WSCD2: variants seen among roughly 807,000 people sequenced by gnomAD.
The protein encoded by WSCD2 is sialate:O-sulfotransferase 2.
WSCD2 carries 28 observed loss-of-function variants against 55.7 expected under a neutral mutation model. The observed-to-expected ratio is 0.50, with a 90% CI of 0.37 to 0.69. The LOEUF is 0.69. Ranked by LOEUF, WSCD2 falls within the 30% of genes least tolerant of loss-of-function variation. The pLI is 0.00. For missense variants in WSCD2, 616 were observed against 762.1 expected (o/e 0.81, Z 2.26); for synonymous variants, 301 against 301.9 (o/e 1.00, Z 0.03).
intron 4 of WSCD2, among the ~76,000 whole-genome samples, chr12:108,214,296 G>A (rs1046322151): frequency 5.3e-5 from 8 of 152,316 alleles, no homozygotes; most frequent in East Asian, 3.9e-4. Context: ...CATCTGCCTC[G>A]CACAGGATGC....
chr12:108,196,040 A>G lies in WSCD2; in HGVS notation c.208A>G (p.Met70Val), dbSNP rs1281894570. ...TGCTGAGCTGTCCTTCTTGGGTGAC[A>G]TGCATCTGGGCAGAGGTTTCCGGGA... ...EGAELSFLGD[M>V]HLGRGFRDTG... The change falls in exon 2 of 9, where the codon ATG becomes GTG. Residue 70 changes from methionine (M) to valine (V), a missense_variant. By Grantham distance (21) the Met-to-Val change is conservative. Around this residue, in one of 3 missense-constraint regions of WSCD2, gnomAD observed 374 missense variants for 467.4 expected, o/e 0.80. Transcript: ENST00000547525. 6.2e-7 allele frequency: 1 copy of G among 1,614,172 alleles called. No individual in the cohort carries two copies.
intron 8 of WSCD2, among the ~76,000 whole-genome samples, chr12:108,245,300 C>G (rs774672412): frequency 2.6e-5 from 4 of 152,174 alleles, no homozygotes; most frequent in Non-Finnish European, 4.4e-5. Flanking sequence ...AGAATTCCTA[C>G]TCTCTAGGCT....
intron 8 of WSCD2, among the ~76,000 whole-genome samples, chr12:108,241,478 C>T (rs1480714472): frequency 6.6e-6 from 1 of 152,182 alleles, no homozygotes; most frequent in Non-Finnish European, 1.5e-5. Flanking sequence ...CTTCTTAAAT[C>T]CCCACCATAA....
intron 2 of WSCD2, among the ~76,000 whole-genome samples, chr12:108,197,734 G>C (rs1315959369): frequency 1.3e-5 from 2 of 151,890 alleles, no homozygotes; most frequent in Non-Finnish European, 2.9e-5. Flanking sequence ...AAGCCCCAAA[G>C]TCCTCACCAG....
In WSCD2 at chr12:108,195,783, C is replaced by T. The variant is rs781031754; in HGVS notation, c.-50C>T. ...GGAAACCAAGCCCCTTCCATCCTCT[C>T]CCAAGCACCCCAGCCAAGCCCCAGA... On this transcript the variant is annotated 5_prime_UTR_variant, in exon 2 of 9. Transcript: ENST00000547525. 2 of 1,553,204 alleles carry T rather than the reference C, an allele frequency of 1.3e-6. No homozygotes were observed. Among genetic ancestry groups the T allele is most frequent in the Non-Finnish European group, 1.7e-6 (2 of 1,148,370 alleles).
At chr12:108,173,805 G>GCTCTCTCTCT (rs10658530) in intron 1 of WSCD2, among the ~76,000 whole-genome samples, 1 of 127,780 alleles carries the variant, frequency 7.8e-6, no homozygotes, top group African/African-American at 3.2e-5. Context: ...CTGATTCCTG[G>GCTCTCTCTCT]CTCTCTGTGT....
chr12:108,143,118 C>T (rs112896248), intron 1 of WSCD2, among the ~76,000 whole-genome samples: 2 of 152,344 alleles, frequency 1.3e-5, no homozygotes, highest in Middle Eastern at 3.4e-3. Context: ...CCAGCCTCTC[C>T]GTCATGCTTC....
chr12:108,215,985 C>T (rs1886788608), intron 4 of WSCD2, among the ~76,000 whole-genome samples: 1 of 152,200 alleles, frequency 6.6e-6, no homozygotes, highest in Non-Finnish European at 1.5e-5. Flanking sequence ...GCAGAGCTGA[C>T]ATTGTCAGAA....
At chr12:108,229,639 G>A (rs574874113) in intron 6 of WSCD2, among the ~76,000 whole-genome samples, 1 of 152,344 alleles carries the variant, frequency 6.6e-6, no homozygotes, top group Non-Finnish European at 1.5e-5. Flanking sequence ...TGGAAACCCA[G>A]GTCGGTCTGA....
intron 1 of WSCD2, among the ~76,000 whole-genome samples, chr12:108,162,872 C>A (rs1357828782): frequency 6.6e-6 from 1 of 152,190 alleles, no homozygotes; most frequent in Non-Finnish European, 1.5e-5. Flanking sequence ...ATCATTCATT[C>A]ATAAGATATC....
At chr12:108,198,727 G>T (rs754804514) in intron 2 of WSCD2, among the ~76,000 whole-genome samples, 3 of 152,100 alleles carry the variant, frequency 2.0e-5, no homozygotes, top group African/African-American at 7.2e-5. Flanking sequence ...CTTAATAGTT[G>T]CTGTCCTTGT....
At chr12:108,216,466 A>G (rs1385921436) in intron 4 of WSCD2, among the ~76,000 whole-genome samples, 1 of 152,204 alleles carries the variant, frequency 6.6e-6, no homozygotes, top group Non-Finnish European at 1.5e-5. Flanking sequence ...ATTCACATAG[A>G]CTATGAGCTG....
At chr12:108,136,829 C>G (rs950940704) in intron 1 of WSCD2, among the ~76,000 whole-genome samples, 10 of 152,154 alleles carry the variant, frequency 6.6e-5, no homozygotes, top group Non-Finnish European at 1.5e-4. Flanking sequence ...CTTTTCTCTC[C>G]CTCTCATTTG....
chr12:108,131,000 A>G (rs1875449530), intron 1 of WSCD2, among the ~76,000 whole-genome samples: 1 of 152,178 alleles, frequency 6.6e-6, no homozygotes, highest in South Asian at 2.1e-4. Context: ...GCATGGTGCT[A>G]CCTACTTGGG....
chr12:108,163,368 CA>C (rs1013986281), intron 1 of WSCD2, among the ~76,000 whole-genome samples: 137 of 151,038 alleles, frequency 9.1e-4, no homozygotes, highest in Admixed American at 5.2e-3. Flanking sequence ...GACTTTGTCT[CA>C]AAAAAAATAA....
At position 108,210,427 on chromosome 12, in the gene WSCD2, C is replaced by T. The variant is rs1337793177; in HGVS notation, c.682+122C>T. The stretch of plus-strand genomic sequence containing the variant: ...GCTCCCCATCACTCCAAGGCCACCA[C>T]CGTCCTGCCCCTGCCTCACCTCTCC... On this transcript the variant is annotated intron_variant, in intron 4 of 8. Coordinates refer to ENST00000547525, the MANE Select transcript of WSCD2 (RefSeq NM_014653.4). This position sits in a 1 kb window ranked among gnomAD's most constrained non-coding sequence, Gnocchi z 4.3. 3 of 1,301,130 alleles carry T rather than the reference C, an allele frequency of 2.3e-6. No homozygotes were observed. Among genetic ancestry groups the T allele is most frequent in the South Asian group, 1.5e-5 (1 of 66,428 alleles). 80.6% of individuals were successfully genotyped at this position (1,301,130 alleles called of 1,614,324 possible).
In WSCD2 at chr12:108,237,444, G is replaced by A. The variant is rs1889357532; in HGVS notation, c.1145-2900G>A. On this transcript the variant is annotated intron_variant, in intron 7 of 8. Transcript: ENST00000547525. ...TTTAAATATATCATGTTTACGTCAT[G>A]GAGATGCTGGATCCTGGGTGTTAAG... Among the ~76,000 whole-genome samples the A allele has an allele frequency of 2.6e-5, 4 of 152,334 alleles. No homozygotes were observed. In the South Asian group the frequency reaches 8.3e-4, roughly 32 times the overall value.
chr12:108,242,569 G>A (rs918270875), intron 8 of WSCD2, among the ~76,000 whole-genome samples: 76 of 152,272 alleles, frequency 5.0e-4, no homozygotes, highest in African/African-American at 1.8e-3. Context: ...TGCCCAGGCT[G>A]CACCCTGGAC....
At position 108,232,415 on chromosome 12, in the gene WSCD2, CTG is replaced by C. The variant is rs1888867518; in HGVS notation, c.980-315_980-314del. On this transcript the variant is annotated intron_variant, in intron 6 of 8. Coordinates refer to ENST00000547525, the MANE Select transcript of WSCD2 (RefSeq NM_014653.4). Reference sequence around the variant, plus strand: ...AAAGACTTGCTCTGCTGGGGGGAAACTGGGGCTGGAGAGAAGATTCACCCTCC... The same window carrying C: ...AAAGACTTGCTCTGCTGGGGGGAAACGGGCTGGAGAGAAGATTCACCCTCC... Among the ~76,000 whole-genome samples, 4 of 152,236 alleles carry C rather than the reference CTG, an allele frequency of 2.6e-5. No individual in the cohort carries two copies. The South Asian group carries it at 8.3e-4, about 32-fold the overall frequency.
Sources: gnomAD v4.1 joint callset for allele counts (sites outside exome capture counted in the v4.1 genomes callset) on GRCh38, gnomAD v4.1.1 for gene constraint, gnomAD v4.1.1 regional missense constraint, Gnocchi (gnomAD v3.1) non-coding constraint, MANE v1.5 for transcripts, NCBI Gene and HGNC (gene_info 2026-07-23, HGNC 2026-07-21) for gene names.